Variants in RORA observed in about 807,000 individuals in gnomAD.
RORA encodes the protein nuclear receptor ROR-alpha.
Under a neutral mutation model 69.5 loss-of-function variants are expected in RORA, and 7 were observed. The observed-to-expected ratio is 0.10, with a 90% CI of 0.06 to 0.19. The LOEUF is 0.19. Ranked by LOEUF, RORA falls within the 10% of genes least tolerant of loss-of-function variation. The probability of loss-of-function intolerance (pLI) is 1.00; values close to 1 mark genes in which losing one functional copy is unlikely to be tolerated. For synonymous variants in RORA, 261 were observed against 240.8 expected (o/e 1.08, Z -0.78); for missense variants, 457 against 663.0 (o/e 0.69, Z 3.41).
At chr15:60,733,106 A>G (rs1217162941) in intron 1 of RORA, among the ~76,000 whole-genome samples, 1 of 152,184 alleles carries the variant, frequency 6.6e-6, no homozygotes, top group Non-Finnish European at 1.5e-5. Context: ...CAGAACTTTC[A>G]TAAGTTGGAG....
chr15:61,171,533 A>G (rs2079585037), intron 1 of RORA, among the ~76,000 whole-genome samples: 1 of 152,176 alleles, frequency 6.6e-6, no homozygotes, highest in Non-Finnish European at 1.5e-5. Context: ...ATTAAAGGAG[A>G]ATACACTGCT....
chr15:60,934,166 T>C (rs1251950749), intron 1 of RORA, among the ~76,000 whole-genome samples: 1 of 152,244 alleles, frequency 6.6e-6, no homozygotes, highest in Non-Finnish European at 1.5e-5. Flanking sequence ...ACAAGTCTCC[T>C]GCTTCCGTGT....
At chr15:61,203,850 C>T (rs560202392) in intron 1 of RORA, among the ~76,000 whole-genome samples, 1 of 152,354 alleles carries the variant, frequency 6.6e-6, no homozygotes, top group African/African-American at 2.4e-5. Context: ...TGACAGCAAA[C>T]TTATCATCCG....
chr15:60,679,866 C>T (rs1037000103), intron 1 of RORA, among the ~76,000 whole-genome samples: 3 of 152,106 alleles, frequency 2.0e-5, no homozygotes, highest in African/African-American at 7.2e-5. Flanking sequence ...TTACATAGCC[C>T]AACTCAAATT....
intron 1 of RORA, among the ~76,000 whole-genome samples, chr15:60,759,264 G>A (rs1002523836): frequency 1.3e-5 from 2 of 152,220 alleles, no homozygotes; most frequent in East Asian, 3.8e-4. Context: ...ACAGAGGCCA[G>A]CCTGGACTAT....
intron 1 of RORA, among the ~76,000 whole-genome samples, chr15:60,818,860 T>C (rs962034370): frequency 2.6e-5 from 4 of 152,250 alleles, no homozygotes; most frequent in African/African-American, 9.6e-5. Context: ...TATTTCCTTG[T>C]CACAGCAATA....
intron 1 of RORA, among the ~76,000 whole-genome samples, chr15:61,050,254 C>T (rs566824074): frequency 3.3e-5 from 5 of 152,312 alleles, no homozygotes; most frequent in South Asian, 2.1e-4. Flanking sequence ...TCATGAGACA[C>T]GCACCCGTGG....
chr15:61,035,724 C>T (rs1036542845), intron 1 of RORA, among the ~76,000 whole-genome samples: 22 of 152,102 alleles, frequency 1.4e-4, no homozygotes, highest in African/African-American at 5.1e-4. Flanking sequence ...AATTGCAATA[C>T]CACTGATGGC....
In RORA at chr15:60,868,486, A is replaced by C. The variant is rs141246705; in HGVS notation, c.167-189800T>G. Among the ~76,000 whole-genome samples, 472 of 152,304 alleles carry C rather than the reference A, an allele frequency of 3.1e-3. 2 individuals are homozygous for C. Among genetic ancestry groups the C allele is most frequent in the African/African-American group, 0.011 (451 of 41,564 alleles). Reference sequence around the variant, plus strand: ...TTTTATTAGCTTAAGTACACTTCCAAACCTGATGGTTCTGTTGGGCTAGCA... The same window carrying C: ...TTTTATTAGCTTAAGTACACTTCCACACCTGATGGTTCTGTTGGGCTAGCA... On this transcript the variant is annotated intron_variant, in intron 1 of 10. Coordinates refer to ENST00000335670, the MANE Select transcript of RORA (RefSeq NM_134261.3).
intron 2 of RORA, among the ~76,000 whole-genome samples, chr15:60,533,937 G>A (rs186495994): frequency 1.3e-3 from 192 of 152,302 alleles, no homozygotes; most frequent in Non-Finnish European, 8.7e-4. Flanking sequence ...ACTACCTGAC[G>A]CTAAACTTGG....
At chr15:60,849,242 C>T (rs2073299367) in intron 1 of RORA, among the ~76,000 whole-genome samples, 1 of 152,214 alleles carries the variant, frequency 6.6e-6, no homozygotes, top group Non-Finnish European at 1.5e-5. Context: ...CCTCTGAGTA[C>T]TCTTGCCTTT....
At chr15:60,992,809 C>T (rs1052239023) in intron 1 of RORA, among the ~76,000 whole-genome samples, 2 of 152,174 alleles carry the variant, frequency 1.3e-5, no homozygotes, top group Non-Finnish European at 1.5e-5. Flanking sequence ...AATATAAAGT[C>T]TACTTCGGTC....
intron 1 of RORA, among the ~76,000 whole-genome samples, chr15:61,019,525 G>A (rs774251211): frequency 1.3e-5 from 2 of 152,072 alleles, no homozygotes; most frequent in African/African-American, 2.4e-5. Flanking sequence ...TTTTGTCTTC[G>A]TGCTAAATAG....
chr15:61,055,332 C>T (rs1477781435), intron 1 of RORA, among the ~76,000 whole-genome samples: 2 of 152,156 alleles, frequency 1.3e-5, no homozygotes, highest in South Asian at 2.1e-4. Flanking sequence ...CACTCTTCAT[C>T]GCAGCAGTTC....
intron 1 of RORA, among the ~76,000 whole-genome samples, chr15:60,874,852 G>A (rs2073596388): frequency 6.6e-6 from 1 of 152,128 alleles, no homozygotes; most frequent in Admixed American, 6.5e-5. Flanking sequence ...GTGATTTGGG[G>A]CAAGTTATTT....
chr15:60,670,201 C>CTTTTTTTTTTTTTTTT (rs60799050), intron 2 of RORA, among the ~76,000 whole-genome samples: 2 of 126,108 alleles, frequency 1.6e-5, no homozygotes, highest in Non-Finnish European at 3.3e-5. Flanking sequence ...TATCCTACCT[C>CTTTTTTTTTTTTTTTT]TTTTTTTTTT....
chr15:61,206,338 C>T (rs1360178153), intron 1 of RORA, among the ~76,000 whole-genome samples: 3 of 152,116 alleles, frequency 2.0e-5, no homozygotes, highest in Non-Finnish European at 4.4e-5. Context: ...CTAGCATATT[C>T]ACAAATACTG....
chr15:60,936,273 A>C, intron 1 of RORA, among the ~76,000 whole-genome samples: 1 of 152,356 alleles, frequency 6.6e-6, no homozygotes, highest in East Asian at 1.9e-4. Context: ...TCTTCTGTCT[A>C]TCTACTCACA....
intron 1 of RORA, among the ~76,000 whole-genome samples, chr15:60,741,691 C>T (rs2071577463): frequency 6.6e-6 from 1 of 152,196 alleles, no homozygotes; most frequent in South Asian, 2.1e-4. Flanking sequence ...ATGGGAGCCG[C>T]ACCTCATTGG....
Sources: gnomAD v4.1 joint callset for allele counts (sites outside exome capture counted in the v4.1 genomes callset) on GRCh38, gnomAD v4.1.1 for gene constraint, MANE v1.5 for transcripts, NCBI Gene and HGNC (gene_info 2026-07-23, HGNC 2026-07-21) for gene names.